The following NPAS3 variants were observed in gnomAD, a reference collection of about 807,000 sequenced individuals.
The protein encoded by NPAS3 is neuronal PAS domain protein 3.
In NPAS3, 14 loss-of-function variants were observed where a neutral mutation model predicts 73.1. The observed-to-expected ratio is 0.19, with a 90% CI of 0.13 to 0.30. The LOEUF (loss-of-function observed/expected upper bound fraction) is 0.30. Ranked by LOEUF, NPAS3 falls within the 10% of genes least tolerant of loss-of-function variation. The pLI is 1.00. For synonymous variants in NPAS3, 620 were observed against 541.5 expected (o/e 1.14, Z -2.01); for missense variants, 1,096 against 1,250.0 (o/e 0.88, Z 1.86).
intron 4 of NPAS3, among the ~76,000 whole-genome samples, chr14:33,498,935 A>AGT (rs3058422): frequency 0.13 from 11,866 of 94,816 alleles, 637 homozygotes; most frequent in Middle Eastern, 0.16. Flanking sequence ...ACAGAGAGAG[A>AGT]GTGTGTGTGT....
chr14:33,005,793 G>T (rs1416774806), intron 1 of NPAS3, among the ~76,000 whole-genome samples: 2 of 152,138 alleles, frequency 1.3e-5, no homozygotes, highest in Non-Finnish European at 2.9e-5. Flanking sequence ...CGGCTTTCAT[G>T]ATAGCACTTG....
intron 5 of NPAS3, among the ~76,000 whole-genome samples, chr14:33,648,710 C>T (rs1455456667): frequency 6.6e-6 from 1 of 152,164 alleles, no homozygotes; most frequent in East Asian, 1.9e-4. Flanking sequence ...GATGTCCTCA[C>T]ATCTCTCCCC....
chr14:33,267,874 C>T lies in NPAS3; in HGVS notation c.385+52448C>T, dbSNP rs116900749. On this transcript the variant is annotated intron_variant, in intron 3 of 11. Transcript: ENST00000356141. ...TGGGATGAAGTGAGTCTTGGCCACTCTGCTCCTACATAGTGAAGAGCCAGT... is the reference window on the plus strand; with the variant it reads ...TGGGATGAAGTGAGTCTTGGCCACTTTGCTCCTACATAGTGAAGAGCCAGT... Among the ~76,000 whole-genome samples the T allele has an allele frequency of 3.2e-3, 488 of 152,272 alleles. 3 individuals are homozygous for T. Among genetic ancestry groups the T allele is most frequent in the Middle Eastern group, 0.017 (5 of 294 alleles).
intron 1 of NPAS3, among the ~76,000 whole-genome samples, chr14:33,037,987 A>G (rs1444122422): frequency 6.6e-6 from 1 of 152,206 alleles, no homozygotes; most frequent in Non-Finnish European, 1.5e-5. Context: ...CTTGATTTCC[A>G]TCTAACTTCC....
At chr14:32,968,513 A>G (rs2139291765) in intron 1 of NPAS3, among the ~76,000 whole-genome samples, 1 of 152,332 alleles carries the variant, frequency 6.6e-6, no homozygotes, top group African/African-American at 2.4e-5. Flanking sequence ...TATATCAATG[A>G]ATTCATCAGT....
At chr14:33,173,464 G>A (rs2045470720) in intron 2 of NPAS3, among the ~76,000 whole-genome samples, 1 of 151,944 alleles carries the variant, frequency 6.6e-6, no homozygotes, top group Non-Finnish European at 1.5e-5. Flanking sequence ...GAGATAAATT[G>A]CATAATAAAT....
intron 4 of NPAS3, among the ~76,000 whole-genome samples, chr14:33,481,417 A>G (rs932686707): frequency 1.3e-5 from 2 of 152,152 alleles, no homozygotes; most frequent in Non-Finnish European, 2.9e-5. Flanking sequence ...ATGTGATACA[A>G]ATTAGAGTTT....
At chr14:33,769,022 T>C (rs2062555815) in intron 7 of NPAS3, among the ~76,000 whole-genome samples, 5 of 152,172 alleles carry the variant, frequency 3.3e-5, no homozygotes, top group Admixed American at 3.3e-4. Flanking sequence ...GCTTAAGAGC[T>C]TTCAGAAAAG....
At chr14:33,368,323 AAG>A (rs1555382888) in intron 4 of NPAS3, among the ~76,000 whole-genome samples, 7 of 151,590 alleles carry the variant, frequency 4.6e-5, no homozygotes, top group Non-Finnish European at 1.0e-4. Context: ...AAAAAAAAAA[AAG>A]AAGAAAAAAT....
At chr14:33,329,724 G>C (rs2043892495) in intron 3 of NPAS3, among the ~76,000 whole-genome samples, 1 of 152,038 alleles carries the variant, frequency 6.6e-6, no homozygotes, top group African/African-American at 2.4e-5. Context: ...AAGTACGATG[G>C]AGAAGCCCTT....
intron 5 of NPAS3, among the ~76,000 whole-genome samples, chr14:33,661,976 T>G (rs986352777): frequency 6.6e-6 from 1 of 152,232 alleles, no homozygotes; most frequent in African/African-American, 2.4e-5. Flanking sequence ...CTGGAAGGTT[T>G]TGATAACCAC....
chr14:33,756,002 T>A (rs954894341), intron 7 of NPAS3, among the ~76,000 whole-genome samples: 2 of 152,106 alleles, frequency 1.3e-5, no homozygotes, highest in Non-Finnish European at 2.9e-5. Context: ...TTCATGAGGG[T>A]TCTGCCCCCA....
chr14:33,714,613 A>G (rs888451970), intron 6 of NPAS3, among the ~76,000 whole-genome samples: 3 of 152,228 alleles, frequency 2.0e-5, no homozygotes, highest in Non-Finnish European at 4.4e-5. Flanking sequence ...AGTCAACAGT[A>G]CTAACTATAT....
At chr14:33,794,898 C>G (rs139607109) in intron 10 of NPAS3, among the ~76,000 whole-genome samples, 104 of 152,322 alleles carry the variant, frequency 6.8e-4, no homozygotes, top group African/African-American at 2.3e-3. Flanking sequence ...CCACCCCCAT[C>G]ATTCTGGTCT....
chr14:33,626,096 G>A (rs1047662533), intron 5 of NPAS3, among the ~76,000 whole-genome samples: 2 of 152,132 alleles, frequency 1.3e-5, no homozygotes, highest in Admixed American at 6.5e-5. Context: ...CCCTCTTTGC[G>A]TGTATACGTT....
intron 4 of NPAS3, among the ~76,000 whole-genome samples, chr14:33,537,697 C>A (rs2054316190): frequency 6.6e-6 from 1 of 152,128 alleles, no homozygotes; most frequent in African/African-American, 2.4e-5. Flanking sequence ...TTATACCCAA[C>A]CCCTAGAGCT....
intron 4 of NPAS3, among the ~76,000 whole-genome samples, chr14:33,518,592 A>ATTTTTTTTT (rs71433619): frequency 7.8e-6 from 1 of 128,828 alleles, no homozygotes; most frequent in Admixed American, 8.4e-5. Flanking sequence ...GACATCAAGG[A>ATTTTTTTTT]TTTTTTTTTT....
intron 4 of NPAS3, among the ~76,000 whole-genome samples, chr14:33,396,595 T>C (rs535824891): frequency 6.6e-6 from 1 of 152,284 alleles, no homozygotes; most frequent in Non-Finnish European, 1.5e-5. Flanking sequence ...TATTCCTGCA[T>C]GGTTCTCTAT....
At chr14:33,004,786 C>T (rs897045605) in intron 1 of NPAS3, among the ~76,000 whole-genome samples, 9 of 101,532 alleles carry the variant, frequency 8.9e-5, no homozygotes, top group Non-Finnish European at 1.9e-4. Flanking sequence ...ATCTGTATTC[C>T]ATAAGCTTTT....
Sources: gnomAD v4.1 joint callset for allele counts (sites outside exome capture counted in the v4.1 genomes callset) on GRCh38, gnomAD v4.1.1 for gene constraint, MANE v1.5 for transcripts, NCBI Gene and HGNC (gene_info 2026-07-23, HGNC 2026-07-21) for gene names.